The following SUGCT variants were observed in gnomAD, a reference collection of about 807,000 sequenced individuals.
The protein encoded by SUGCT is succinyl-CoA:glutarate-CoA transferase.
In SUGCT, 41 loss-of-function variants were observed where a neutral mutation model predicts 55.0. The observed-to-expected ratio is 0.74, with a 90% CI of 0.58 to 0.97. SUGCT has a LOEUF of 0.97. Among genes scored for constraint, SUGCT ranks in the 50% least tolerant of loss-of-function variants. The pLI is 0.00. For synonymous variants in SUGCT, 187 were observed against 200.4 expected, an observed-to-expected ratio of 0.93 and a Z score of 0.56; for missense variants, 568 against 547.8, an observed-to-expected ratio of 1.04 and a Z score of -0.37.
At chr7:40,973,611 A>G in the SUGCT span, among the ~76,000 whole-genome samples, 1 of 152,220 alleles carries the variant, frequency 6.6e-6, no homozygotes, top group Non-Finnish European at 1.5e-5. Context: ...CTCCCACGGG[A>G]TAGGACGCTG....
the SUGCT span, among the ~76,000 whole-genome samples, chr7:40,983,470 G>C: frequency 3.9e-5 from 6 of 152,118 alleles, no homozygotes; most frequent in East Asian, 1.9e-4. Flanking sequence ...GAAAATCACT[G>C]GCTGCTTAGC....
chr7:40,692,368 G>A (rs1784736821), intron 12 of SUGCT, among the ~76,000 whole-genome samples: 1 of 152,196 alleles, frequency 6.6e-6, no homozygotes. Flanking sequence ...AGAGGACAAT[G>A]GATTGGGGCA....
intron 9 of SUGCT, among the ~76,000 whole-genome samples, chr7:40,411,684 A>G (rs1242666919): frequency 1.3e-5 from 2 of 152,154 alleles, no homozygotes; most frequent in African/African-American, 2.4e-5. Context: ...AGATAGAAGA[A>G]GTTAAGACCT....
chr7:40,799,397 T>C (rs898433091), intron 13 of SUGCT, among the ~76,000 whole-genome samples: 2 of 152,222 alleles, frequency 1.3e-5, no homozygotes, highest in Non-Finnish European at 2.9e-5. Context: ...AAAAATATCC[T>C]GTGCATTTTG....
At chr7:40,727,143 C>CTTGACCTGTGAGATTTCCTTTT (rs1456641495) in intron 12 of SUGCT, among the ~76,000 whole-genome samples, 2 of 152,174 alleles carry the variant, frequency 1.3e-5, no homozygotes, top group African/African-American at 4.8e-5. Flanking sequence ...ACAAGGATTT[C>CTTGACCTGTGAGATTTCCTTTT]TTGACCTGTG....
chr7:40,592,614 G>T lies in SUGCT; in HGVS notation c.1089+96228G>T, dbSNP rs143339422. ...TGGAGAATGTGTAGTAAACTTAGAA[G>T]TAAAGTAGTGCCAGGGGCTTTCTGA... On this transcript the variant is annotated intron_variant, in intron 12 of 13. Transcript: ENST00000335693. Among the ~76,000 whole-genome samples, 3 of 152,324 alleles carry T rather than the reference G, an allele frequency of 2.0e-5. No individual in the cohort carries two copies. In the East Asian group the frequency reaches 5.8e-4, roughly 29 times the overall value.
At position 40,236,984 on chromosome 7, in the gene SUGCT, C is replaced by G. The variant is rs187297680; in HGVS notation, c.485-651C>G. Among the ~76,000 whole-genome samples, 735 of 152,132 alleles carry G rather than the reference C, an allele frequency of 4.8e-3. 6 individuals are homozygous for G. Among genetic ancestry groups the G allele is most frequent in the African/African-American group, 0.017 (699 of 41,552 alleles). On this transcript the variant is annotated intron_variant, in intron 6 of 13. Transcript: ENST00000335693. ...AGTGGCTGGGATTATAGGCATGCACCACCACACCTGGCTAATTTTTGTATT... is the reference window on the plus strand; with the variant it reads ...AGTGGCTGGGATTATAGGCATGCACGACCACACCTGGCTAATTTTTGTATT...
intron 12 of SUGCT, among the ~76,000 whole-genome samples, chr7:40,497,523 C>T (rs1448306820): frequency 1.3e-5 from 2 of 152,034 alleles, no homozygotes; most frequent in Non-Finnish European, 2.9e-5. Context: ...TAAAGGGGCC[C>T]ATTTGGTGTG....
the SUGCT span, among the ~76,000 whole-genome samples, chr7:40,874,822 G>T: frequency 3.3e-5 from 5 of 152,140 alleles, 1 homozygote; most frequent in Non-Finnish European, 7.3e-5. Context: ...ATCCTTTTCT[G>T]GAAGAATATA....
intron 12 of SUGCT, among the ~76,000 whole-genome samples, chr7:40,727,085 A>G (rs1786650889): frequency 2.6e-5 from 4 of 152,226 alleles, no homozygotes; most frequent in African/African-American, 9.6e-5. Context: ...TGTTATTATT[A>G]GTGACTCCTT....
intron 12 of SUGCT, among the ~76,000 whole-genome samples, chr7:40,591,753 A>G (rs1305292244): frequency 1.3e-5 from 2 of 152,194 alleles, no homozygotes; most frequent in Non-Finnish European, 2.9e-5. Flanking sequence ...TCCACCAGTA[A>G]AAAGGTTATG....
the SUGCT span, among the ~76,000 whole-genome samples, chr7:40,891,759 C>A: frequency 5.3e-5 from 8 of 152,098 alleles, no homozygotes; most frequent in Admixed American, 5.2e-4. Flanking sequence ...CCTATAATCC[C>A]AGCACTTTGG....
intron 1 of SUGCT, chr7:40,153,628 T>C (rs1788698738): frequency 1.9e-6 from 1 of 523,072 alleles, no homozygotes; most frequent in South Asian, 1.4e-5. Flanking sequence ...GTTATAATAG[T>C]CGATCCAATG....
At chr7:40,668,598 C>T (rs549900586) in intron 12 of SUGCT, among the ~76,000 whole-genome samples, 4 of 152,082 alleles carry the variant, frequency 2.6e-5, no homozygotes, top group Non-Finnish European at 5.9e-5. Flanking sequence ...CATAAGAAGA[C>T]TCTAAAAAGT....
the SUGCT span, among the ~76,000 whole-genome samples, chr7:41,037,798 A>C: frequency 6.6e-6 from 1 of 151,856 alleles, no homozygotes; most frequent in Non-Finnish European, 1.5e-5. Flanking sequence ...TCTTGAGAAA[A>C]GCTGAAAATA....
At chr7:40,768,085 C>T (rs1209532031) in intron 13 of SUGCT, among the ~76,000 whole-genome samples, 1 of 152,142 alleles carries the variant, frequency 6.6e-6, no homozygotes, top group African/African-American at 2.4e-5. Context: ...CCCTCAGGGT[C>T]CCAGGCTCTG....
chr7:40,219,346 A>G (rs1787892104), intron 6 of SUGCT, among the ~76,000 whole-genome samples: 1 of 152,228 alleles, frequency 6.6e-6, no homozygotes, highest in East Asian at 1.9e-4. Flanking sequence ...TTCCGGACAC[A>G]TTTAAATACA....
intron 12 of SUGCT, among the ~76,000 whole-genome samples, chr7:40,577,741 T>G (rs1373171115): frequency 1.3e-5 from 2 of 152,188 alleles, no homozygotes; most frequent in Non-Finnish European, 2.9e-5. Flanking sequence ...GTATACTTTT[T>G]TTTTAAACTG....
chr7:40,425,594 G>A (rs566265444), intron 9 of SUGCT, among the ~76,000 whole-genome samples: 3 of 151,988 alleles, frequency 2.0e-5, no homozygotes, highest in Non-Finnish European at 2.9e-5. Flanking sequence ...TATGAGAGGC[G>A]GTGCTGGGGT....
Sources: allele counts gnomAD v4.1 joint callset (sites outside exome capture counted in the v4.1 genomes callset), GRCh38; gene constraint gnomAD v4.1.1; transcripts MANE v1.5; gene names NCBI Gene and HGNC (gene_info 2026-07-23, HGNC 2026-07-21).